Variants in CSMD1 observed in about 807,000 individuals in gnomAD.
CSMD1 encodes the protein CUB and sushi domain-containing protein 1.
A neutral mutation model predicts 417.5 loss-of-function variants in CSMD1; 213 were observed. That is an observed-to-expected ratio of 0.51 (90% CI 0.46 to 0.57). The LOEUF (loss-of-function observed/expected upper bound fraction) is 0.57, where lower values mean the gene tolerates loss of function less well. CSMD1 is among the 20% of genes least tolerant of loss of function. The pLI is 0.00. For synonymous variants in CSMD1, 2,862 were observed against 1,736.8 expected (o/e 1.65, Z -16.11); for missense variants, 6,923 against 4,529.7 (o/e 1.53, Z -15.17).
At chr8:3,556,088 C>G (rs1419243945) in intron 10 of CSMD1, among the ~76,000 whole-genome samples, 1 of 151,992 alleles carries the variant, frequency 6.6e-6, no homozygotes, top group African/African-American at 2.4e-5. Context: ...ATTCCATATT[C>G]CACTAACTAC....
intron 6 of CSMD1, among the ~76,000 whole-genome samples, chr8:3,719,953 G>C (rs77572226): frequency 0.09 from 13,667 of 152,188 alleles, 763 homozygotes; most frequent in East Asian, 0.17. Flanking sequence ...GTTTAATAAA[G>C]ATGATCACCA....
chr8:4,848,874 C>T (rs980461409), intron 1 of CSMD1, among the ~76,000 whole-genome samples: 2 of 152,168 alleles, frequency 1.3e-5, no homozygotes, highest in African/African-American at 2.4e-5. Context: ...TAATAAACAA[C>T]TATGTTTCTG....
chr8:3,122,391 ATCAATAAACCT>A (rs1563065206), intron 41 of CSMD1, among the ~76,000 whole-genome samples: 1 of 152,228 alleles, frequency 6.6e-6, no homozygotes, highest in Non-Finnish European at 1.5e-5. Context: ...TTTACTATAG[ATCAATAAACCT>A]TATAAGCACA....
chr8:3,286,244 G>C (rs1383445484), intron 25 of CSMD1, among the ~76,000 whole-genome samples: 1 of 152,096 alleles, frequency 6.6e-6, no homozygotes, highest in Non-Finnish European at 1.5e-5. Flanking sequence ...CATTTGGGTT[G>C]GTTCCAAGTC....
chr8:4,250,992 T>C (rs1260809996), intron 3 of CSMD1, among the ~76,000 whole-genome samples: 1 of 152,170 alleles, frequency 6.6e-6, no homozygotes, highest in Admixed American at 6.5e-5. Flanking sequence ...ACACTGATAT[T>C]TCCTAAATCA....
intron 3 of CSMD1, among the ~76,000 whole-genome samples, chr8:4,332,907 G>A (rs1014817676): frequency 2.0e-5 from 3 of 149,616 alleles, no homozygotes; most frequent in South Asian, 2.1e-4. Flanking sequence ...GACTTGAAAA[G>A]GGTACTTTAC....
chr8:3,214,790 C>T (rs2116819674), intron 29 of CSMD1, 99 bp from the exon 30 acceptor site: 1 of 839,786 alleles, frequency 1.2e-6, no homozygotes. Context: ...TTATTTAGGG[C>T]CTAGAACAAT....
chr8:3,623,249 C>A (rs1796343383), intron 7 of CSMD1, among the ~76,000 whole-genome samples: 1 of 152,280 alleles, frequency 6.6e-6, no homozygotes, highest in East Asian at 1.9e-4. Context: ...TAGATCTGCA[C>A]AAAACCTTGT....
chr8:4,888,783 C>A (rs1397956835), intron 1 of CSMD1, among the ~76,000 whole-genome samples: 1 of 152,046 alleles, frequency 6.6e-6, no homozygotes, highest in African/African-American at 2.4e-5. Flanking sequence ...CCAAAAATCA[C>A]AGGACATATC....
At chr8:4,645,552 G>T (rs1027785230) in intron 1 of CSMD1, among the ~76,000 whole-genome samples, 1 of 147,316 alleles carries the variant, frequency 6.8e-6, no homozygotes, top group Non-Finnish European at 1.5e-5. Context: ...TGAACATATT[G>T]CCTCATGGAT....
intron 3 of CSMD1, among the ~76,000 whole-genome samples, chr8:4,160,496 T>A (rs184445116): frequency 6.6e-6 from 1 of 152,162 alleles, no homozygotes; most frequent in African/African-American, 2.4e-5. Flanking sequence ...CGAACATCGG[T>A]TGAAAGTCAG....
intron 1 of CSMD1, among the ~76,000 whole-genome samples, chr8:4,962,754 G>A (rs1029305604): frequency 7.9e-5 from 12 of 152,154 alleles, no homozygotes; most frequent in Non-Finnish European, 1.6e-4. Context: ...AGCTGCCAAT[G>A]TTCTTGGGAT....
chr8:4,228,385 C>G (rs1801495319), intron 3 of CSMD1, among the ~76,000 whole-genome samples: 1 of 152,118 alleles, frequency 6.6e-6, no homozygotes, highest in African/African-American at 2.4e-5. Flanking sequence ...CCGCTCATGT[C>G]AAGGTTATCT....
intron 2 of CSMD1, among the ~76,000 whole-genome samples, chr8:4,495,522 C>G (rs1433558712): frequency 2.0e-5 from 3 of 152,018 alleles, no homozygotes; most frequent in Non-Finnish European, 4.4e-5. Flanking sequence ...TTGCAGTGAG[C>G]CAGTATCTCG....
intron 41 of CSMD1, among the ~76,000 whole-genome samples, chr8:3,127,190 C>T (rs1037300111): frequency 1.3e-5 from 2 of 152,092 alleles, no homozygotes; most frequent in Admixed American, 1.3e-4. Context: ...ATGGGGATTG[C>T]TACAACTCTT....
intron 1 of CSMD1, among the ~76,000 whole-genome samples, chr8:4,680,381 C>G (rs1222264429): frequency 6.6e-6 from 1 of 152,148 alleles, no homozygotes; most frequent in Non-Finnish European, 1.5e-5. Flanking sequence ...TGTTACTGTT[C>G]AATACAAGTG....
chr8:4,244,533 C>CT (rs145745892), intron 3 of CSMD1, among the ~76,000 whole-genome samples: 9,554 of 151,770 alleles, frequency 0.063, 381 homozygotes, highest in Non-Finnish European at 0.098. Flanking sequence ...ATAAAATTTT[C>CT]TTTCTTTTTT....
chr8:4,826,501 T>G (rs1371495243), intron 1 of CSMD1, among the ~76,000 whole-genome samples: 1 of 152,184 alleles, frequency 6.6e-6, no homozygotes, highest in Non-Finnish European at 1.5e-5. Flanking sequence ...TTTATTTATT[T>G]ATACAAATTC....
intron 1 of CSMD1, among the ~76,000 whole-genome samples, chr8:4,701,970 G>A (rs1807587323): frequency 1.3e-5 from 2 of 152,166 alleles, no homozygotes; most frequent in South Asian, 4.1e-4. Context: ...GGCATGGATG[G>A]AGCTGGAAGC....
Sources: allele counts gnomAD v4.1 joint callset (sites outside exome capture counted in the v4.1 genomes callset), GRCh38; gene constraint gnomAD v4.1.1; transcripts MANE v1.5; gene names NCBI Gene and HGNC (gene_info 2026-07-23, HGNC 2026-07-21).